The following MLLT3 variants were observed in gnomAD, a reference collection of about 807,000 sequenced individuals.
The protein encoded by MLLT3 is MLLT3 super elongation complex subunit.
Under a neutral mutation model 53.2 loss-of-function variants are expected in MLLT3, and 4 were observed. That is an observed-to-expected ratio of 0.08 (90% CI 0.04 to 0.17). The LOEUF (loss-of-function observed/expected upper bound fraction) is 0.17. Ranked by LOEUF, MLLT3 falls within the 10% of genes least tolerant of loss-of-function variation. MLLT3 has a pLI of 1.00. For synonymous variants in MLLT3, 283 were observed against 230.6 expected, an observed-to-expected ratio of 1.23 and a Z score of -2.06; for missense variants, 569 against 684.0, an observed-to-expected ratio of 0.83 and a Z score of 1.87.
Position 20,521,369 on chromosome 9 carries a change from C to A in MLLT3, c.194-64583G>T, listed in dbSNP as rs1418733814. 2.0e-5 allele frequency among the ~76,000 whole-genome samples: 3 copies of A among 152,224 alleles called. No individual in the cohort carries two copies. In the East Asian group the frequency reaches 5.8e-4, roughly 29 times the overall value. ...TACAGGCATGAGCCACTGCACCCAG[C>A]CTAAGCTGTAAACTTTAAACCAAAT... On this transcript the variant is annotated intron_variant, in intron 2 of 10. Coordinates refer to ENST00000380338, the MANE Select transcript of MLLT3 (RefSeq NM_004529.4).
At chr9:20,356,369 A>G (rs952528116) in intron 8 of MLLT3, among the ~76,000 whole-genome samples, 5 of 152,168 alleles carry the variant, frequency 3.3e-5, no homozygotes, top group Non-Finnish European at 7.3e-5. Context: ...CGTTTTTAAC[A>G]TGCTCCACTG....
intron 5 of MLLT3, among the ~76,000 whole-genome samples, chr9:20,386,630 C>T (rs1251264263): frequency 2.0e-5 from 3 of 152,180 alleles, no homozygotes; most frequent in African/African-American, 7.2e-5. Flanking sequence ...ATGGATGCCC[C>T]AAACTCCTAT....
chr9:20,597,178 C>T (rs1168337251), intron 2 of MLLT3, among the ~76,000 whole-genome samples: 1 of 151,916 alleles, frequency 6.6e-6, no homozygotes, highest in Non-Finnish European at 1.5e-5. Flanking sequence ...GGGGATAGTA[C>T]AGGTAGTACC....
At chr9:20,395,171 C>T (rs12683597) in intron 5 of MLLT3, among the ~76,000 whole-genome samples, 19,512 of 152,150 alleles carry the variant, frequency 0.13, 3,208 homozygotes, top group African/African-American at 0.38. Context: ...GGTTAAGCAG[C>T]GCATCCTGCT....
intron 2 of MLLT3, among the ~76,000 whole-genome samples, chr9:20,510,910 T>C (rs956368566): frequency 2.0e-5 from 3 of 152,152 alleles, no homozygotes; most frequent in Admixed American, 6.5e-5. Context: ...AGAACAAAAA[T>C]TGGAAATGTG....
intron 2 of MLLT3, among the ~76,000 whole-genome samples, chr9:20,590,758 C>G (rs1349733799): frequency 6.6e-6 from 1 of 152,042 alleles, no homozygotes; most frequent in African/African-American, 2.4e-5. Flanking sequence ...TCCTTAGTGG[C>G]ATTGTCTTGC....
At chr9:20,391,171 G>A (rs2118720986) in intron 5 of MLLT3, among the ~76,000 whole-genome samples, 1 of 152,210 alleles carries the variant, frequency 6.6e-6, no homozygotes, top group Admixed American at 6.5e-5. Context: ...AACTCCCCTG[G>A]GGAATTGGGT....
At chr9:20,357,807 A>G (rs7866741) in intron 8 of MLLT3, among the ~76,000 whole-genome samples, 35,597 of 152,166 alleles carry the variant, frequency 0.23, 9,534 homozygotes, top group African/African-American at 0.65. Flanking sequence ...ATCATTATCA[A>G]TTCATAGAGA....
chr9:20,403,994 A>AT (rs1304901840), intron 5 of MLLT3, among the ~76,000 whole-genome samples: 3 of 151,836 alleles, frequency 2.0e-5, no homozygotes, highest in Admixed American at 6.6e-5. Context: ...TAATTTTTGT[A>AT]TTTTTTTGTA....
chr9:20,584,976 G>A (rs1390238085), intron 2 of MLLT3, among the ~76,000 whole-genome samples: 1 of 152,122 alleles, frequency 6.6e-6, no homozygotes, highest in African/African-American at 2.4e-5. Context: ...AACATTCATG[G>A]GCAGGTTTCT....
intron 4 of MLLT3, among the ~76,000 whole-genome samples, chr9:20,420,006 G>A (rs984085359): frequency 6.6e-6 from 1 of 152,164 alleles, no homozygotes; most frequent in African/African-American, 2.4e-5. Flanking sequence ...ATTTAGGAAT[G>A]AAAGAGGATT....
chr9:20,564,016 T>C (rs931169135), intron 2 of MLLT3, among the ~76,000 whole-genome samples: 2 of 152,176 alleles, frequency 1.3e-5, no homozygotes, highest in Non-Finnish European at 2.9e-5. Flanking sequence ...TAGAGCAGCA[T>C]GCTGGAGTTT....
At chr9:20,389,272 A>G (rs984157838) in intron 5 of MLLT3, among the ~76,000 whole-genome samples, 1 of 152,230 alleles carries the variant, frequency 6.6e-6, no homozygotes, top group African/African-American at 2.4e-5. Flanking sequence ...ACAAAACATC[A>G]CATATTATAT....
At chr9:20,573,018 C>T (rs1369120055) in intron 2 of MLLT3, among the ~76,000 whole-genome samples, 2 of 152,082 alleles carry the variant, frequency 1.3e-5, no homozygotes, top group Non-Finnish European at 2.9e-5. Context: ...AGATTACTGA[C>T]TAGGAGACTT....
chr9:20,419,241 A>G (rs1001200249), intron 4 of MLLT3, among the ~76,000 whole-genome samples: 3 of 152,202 alleles, frequency 2.0e-5, no homozygotes, highest in African/African-American at 7.2e-5. Context: ...CTCAAGCTGA[A>G]TAATTCAGTA....
chr9:20,546,856 A>AGG (rs1376075853), intron 2 of MLLT3, among the ~76,000 whole-genome samples: 2 of 152,186 alleles, frequency 1.3e-5, no homozygotes, highest in Non-Finnish European at 2.9e-5. Context: ...CTGTTAGAGG[A>AGG]GGGTGCTAAG....
intron 2 of MLLT3, among the ~76,000 whole-genome samples, chr9:20,588,907 A>G (rs1471007597): frequency 6.6e-6 from 1 of 151,724 alleles, no homozygotes; most frequent in African/African-American, 2.4e-5. Flanking sequence ...ACCAGTTAGA[A>G]TGGCAATCAT....
At chr9:20,578,820 G>C (rs997426865) in intron 2 of MLLT3, among the ~76,000 whole-genome samples, 1 of 151,800 alleles carries the variant, frequency 6.6e-6, no homozygotes, top group Non-Finnish European at 1.5e-5. Context: ...AGATTCCAAA[G>C]GCTTCACCAA....
At chr9:20,512,981 A>G (rs936025630) in intron 2 of MLLT3, among the ~76,000 whole-genome samples, 3 of 152,274 alleles carry the variant, frequency 2.0e-5, no homozygotes, top group Non-Finnish European at 4.4e-5. Context: ...TCCACTACAC[A>G]TAAGACACCA....
Sources: allele counts gnomAD v4.1 joint callset (sites outside exome capture counted in the v4.1 genomes callset), GRCh38; gene constraint gnomAD v4.1.1; transcripts MANE v1.5; gene names NCBI Gene and HGNC (gene_info 2026-07-23, HGNC 2026-07-21).